The following PTPRZ1 variants were observed in gnomAD, a reference collection of about 807,000 sequenced individuals.
PTPRZ1 encodes the protein receptor-type tyrosine-protein phosphatase zeta.
A neutral mutation model predicts 214.1 loss-of-function variants in PTPRZ1; 82 were observed. That is an observed-to-expected ratio of 0.38 (90% CI 0.32 to 0.46). The LOEUF (loss-of-function observed/expected upper bound fraction) is 0.46. PTPRZ1 is among the 20% of genes least tolerant of loss of function. PTPRZ1 has a pLI of 1.00. For missense variants in PTPRZ1, 2,603 were observed against 2,748.7 expected (o/e 0.95, Z 1.19); for synonymous variants, 945 against 987.9 (o/e 0.96, Z 0.81).
At chr7:121,879,313 A>G (rs1460437369) in intron 1 of PTPRZ1, among the ~76,000 whole-genome samples, 5 of 152,172 alleles carry the variant, frequency 3.3e-5, no homozygotes, top group Non-Finnish European at 4.4e-5. Flanking sequence ...TATGTGTACA[A>G]GTGCATGCGC....
At chr7:121,996,921 C>T (rs1291198386) in intron 9 of PTPRZ1, among the ~76,000 whole-genome samples, 4 of 152,086 alleles carry the variant, frequency 2.6e-5, no homozygotes, top group Admixed American at 2.6e-4. Flanking sequence ...TTGTGTCTTC[C>T]ATTACGCTAT....
intron 3 of PTPRZ1, among the ~76,000 whole-genome samples, chr7:121,969,288 G>T (rs530892395): frequency 6.7e-6 from 1 of 149,108 alleles, no homozygotes; most frequent in African/African-American, 2.5e-5. Flanking sequence ...CCTGCTGGGC[G>T]CAGTGGCTCA....
chr7:121,962,953 G>T (rs1796926713), intron 2 of PTPRZ1, among the ~76,000 whole-genome samples: 1 of 151,896 alleles, frequency 6.6e-6, no homozygotes, highest in African/African-American at 2.4e-5. Context: ...AGAGTGCTTT[G>T]CATGAAGAAT....
At chr7:121,892,678 T>TCATATATA (rs1563004223) in intron 1 of PTPRZ1, among the ~76,000 whole-genome samples, 4 of 60,666 alleles carry the variant, frequency 6.6e-5, no homozygotes, top group Non-Finnish European at 6.9e-5. Context: ...TTCAAGCATC[T>TCATATATA]CATATATATA....
chr7:122,049,192 TAGCC>T (rs1792095936), intron 23 of PTPRZ1, among the ~76,000 whole-genome samples: 1 of 152,080 alleles, frequency 6.6e-6, no homozygotes, highest in Admixed American at 6.5e-5. Flanking sequence ...AAAGCTTTCT[TAGCC>T]TTCTAGAAAG....
At chr7:121,974,114 T>A (rs1797354153) in intron 4 of PTPRZ1, among the ~76,000 whole-genome samples, 1 of 151,976 alleles carries the variant, frequency 6.6e-6, no homozygotes, top group South Asian at 2.1e-4. Context: ...TTATTAATAA[T>A]AAAAATAAGA....
At chr7:121,882,157 A>G (rs1320411568) in intron 1 of PTPRZ1, among the ~76,000 whole-genome samples, 1 of 152,238 alleles carries the variant, frequency 6.6e-6, no homozygotes, top group Non-Finnish European at 1.5e-5. Context: ...TGATGCAAGT[A>G]CAAATTAATT....
intron 10 of PTPRZ1, among the ~76,000 whole-genome samples, chr7:122,000,646 CATATATATAT>C (rs60953788): frequency 0.014 from 724 of 51,500 alleles, 9 homozygotes; most frequent in East Asian, 0.019. Context: ...TGATAGATTT[CATATATATAT>C]ATATATATAT....
intron 1 of PTPRZ1, among the ~76,000 whole-genome samples, chr7:121,892,679 C>CATATGTAT (rs1554425439): frequency 1.0e-5 from 1 of 98,234 alleles, no homozygotes; most frequent in East Asian, 2.9e-4. Context: ...TCAAGCATCT[C>CATATGTAT]ATATATATAT....
intron 1 of PTPRZ1, among the ~76,000 whole-genome samples, chr7:121,879,784 T>G (rs561951611): frequency 6.6e-6 from 1 of 152,186 alleles, no homozygotes; most frequent in African/African-American, 2.4e-5. Context: ...CTTTTTTCTT[T>G]CCCTCCTTCC....
At chr7:121,896,533 G>A (rs914506187) in intron 1 of PTPRZ1, among the ~76,000 whole-genome samples, 6 of 152,154 alleles carry the variant, frequency 3.9e-5, no homozygotes, top group African/African-American at 9.6e-5. Context: ...AAGAAAACCC[G>A]TCATATGCTA....
intron 2 of PTPRZ1, among the ~76,000 whole-genome samples, chr7:121,946,321 C>T (rs1171964462): frequency 6.6e-6 from 1 of 152,116 alleles, no homozygotes; most frequent in African/African-American, 2.4e-5. Context: ...CTTTTGAATC[C>T]TAAGACCTGT....
In PTPRZ1 at chr7:122,003,687, C is replaced by A. The variant is rs942028686; in HGVS notation, c.1241-927C>A. ...AAAGGCATGGGAGTTTGAAGAACAT[C>A]ATTATAATAATGCTCAAACCTCACA... On this transcript the variant is annotated intron_variant, in intron 10 of 29. Transcript: ENST00000393386. Among the ~76,000 whole-genome samples, 4 of 152,238 alleles carry A rather than the reference C, an allele frequency of 2.6e-5. 1 individual carries two copies. The highest frequency in any genetic ancestry group is 1.3e-4 in the Admixed American group (2 of 15,270).
chr7:121,984,118 G>T lies in PTPRZ1; in HGVS notation c.928+1G>T, dbSNP rs1246820284. 2 of 1,609,864 alleles carry T rather than the reference G, an allele frequency of 1.2e-6. No homozygotes were observed. The highest frequency in any genetic ancestry group is 1.3e-5 in the African/African-American group (1 of 74,690). Reference sequence around the variant, plus strand: ...GGAAAGGAAGAGATTCATGAAGCAGGTATGTATTTAAATATAATCTTCTAC... The same window carrying T: ...GGAAAGGAAGAGATTCATGAAGCAGTTATGTATTTAAATATAATCTTCTAC... On this transcript the variant is annotated splice_donor_variant, in intron 8 of 29. Coordinates refer to ENST00000393386, the MANE Select transcript of PTPRZ1 (RefSeq NM_002851.3). LOFTEE classifies it high-confidence loss of function.
chr7:121,933,969 A>G (rs1796000175), intron 2 of PTPRZ1, among the ~76,000 whole-genome samples: 1 of 152,168 alleles, frequency 6.6e-6, no homozygotes, highest in South Asian at 2.1e-4. Context: ...AGAGAGTTCC[A>G]GAACTCTAAC....
chr7:121,988,652 G>A (rs1797843739), intron 8 of PTPRZ1, among the ~76,000 whole-genome samples: 1 of 152,126 alleles, frequency 6.6e-6, no homozygotes, highest in South Asian at 2.1e-4. Context: ...AAAGTACCTG[G>A]CAGGTAGTAA....
chr7:121,943,734 A>G (rs1335636101), intron 2 of PTPRZ1, among the ~76,000 whole-genome samples: 2 of 152,184 alleles, frequency 1.3e-5, no homozygotes, highest in African/African-American at 4.8e-5. Context: ...CCTGATTTTC[A>G]GAGTTTCTGA....
chr7:122,061,477 T>A lies in PTPRZ1; in HGVS notation c.*257T>A. On this transcript the variant is annotated 3_prime_UTR_variant, in exon 30 of 30. Coordinates refer to ENST00000393386, the MANE Select transcript of PTPRZ1 (RefSeq NM_002851.3). ...TAAGAATGGAATTGTGGTATTTTTTTCTGTATTGATTTTAACAGAAAATTT... is the reference window on the plus strand; with the variant it reads ...TAAGAATGGAATTGTGGTATTTTTTACTGTATTGATTTTAACAGAAAATTT... 1 of 244,756 alleles carries A rather than the reference T, an allele frequency of 4.1e-6. No individual in the cohort carries two copies. Among genetic ancestry groups the A allele is most frequent in the Non-Finnish European group, 7.7e-6 (1 of 129,408 alleles). 15.2% of individuals were successfully genotyped at this position (244,756 alleles called of 1,614,324 possible). A position where few individuals can be genotyped will look rare whatever the true frequency, so the allele number is the denominator to read the frequency against.
chr7:121,988,759 A>T (rs1310692113), intron 8 of PTPRZ1, among the ~76,000 whole-genome samples: 1 of 152,236 alleles, frequency 6.6e-6, no homozygotes, highest in African/African-American at 2.4e-5. Context: ...TAAAAAGAGC[A>T]TATGTGTTAT....
Sources: allele counts gnomAD v4.1 joint callset (sites outside exome capture counted in the v4.1 genomes callset), GRCh38; gene constraint gnomAD v4.1.1; transcripts MANE v1.5; gene names NCBI Gene and HGNC (gene_info 2026-07-23, HGNC 2026-07-21).